FRYL: variants seen among roughly 807,000 people sequenced by gnomAD.
FRYL encodes the protein FRY like transcription coactivator.
FRYL carries 150 observed loss-of-function variants against 351.2 expected under a neutral mutation model. The observed-to-expected ratio is 0.43, with a 90% CI of 0.37 to 0.49. The LOEUF (loss-of-function observed/expected upper bound fraction) is 0.49, where lower values mean the gene tolerates loss of function less well. Among genes scored for constraint, FRYL ranks in the 20% least tolerant of loss-of-function variants. The pLI is 0.00. For synonymous variants in FRYL, 1,153 were observed against 1,257.1 expected, an observed-to-expected ratio of 0.92 and a Z score of 1.75; for missense variants, 3,036 against 3,619.3, an observed-to-expected ratio of 0.84 and a Z score of 4.13.
intron 4 of FRYL, among the ~76,000 whole-genome samples, chr4:48,632,392 A>G (rs1198948312): frequency 6.7e-6 from 1 of 150,210 alleles, no homozygotes; most frequent in Non-Finnish European, 1.5e-5. Context: ...CTGTTTAAGT[A>G]GACTAGTGTA....
rs368476667 is a variant in FRYL, at chr4:48,563,949, T to C, written c.3595A>G (p.Arg1199Gly). 99 of 1,610,014 alleles carry C rather than the reference T, an allele frequency of 6.1e-5. No individual in the cohort carries two copies. The highest frequency in any genetic ancestry group is 7.9e-5 in the Non-Finnish European group (93 of 1,179,056). The change falls in exon 31 of 64, where the codon AGG (arginine) becomes GGG (glycine). Residue 1199 changes from arginine (R) to glycine (G), a missense_variant and splice_region_variant. This residue lies in a region of FRYL where 1,987 missense variants were observed against 2,311.7 expected (regional missense o/e 0.86). Transcript: ENST00000358350. ...FKAIANVFQNRDYQCDTVMLL... is the reference protein window; with the variant it reads ...FKAIANVFQNGDYQCDTVMLL... ...ACAAAAAACCTGTATCTAAAGTACC[T>C]GTTCTGGAAAACATTAGCAATGGCT...
intron 2 of FRYL, among the ~76,000 whole-genome samples, chr4:48,703,719 G>A (rs986308490): frequency 1.3e-5 from 2 of 152,058 alleles, no homozygotes; most frequent in Admixed American, 6.6e-5. Context: ...TTCTCTCTTA[G>A]AATTCTTAAC....
intron 2 of FRYL, among the ~76,000 whole-genome samples, chr4:48,690,989 TTC>T (rs1578736180): frequency 6.6e-6 from 1 of 152,334 alleles, no homozygotes; most frequent in East Asian, 1.9e-4. Flanking sequence ...TTTCCTCTTT[TTC>T]TCTGTGTTCA....
At chr4:48,558,297 A>G (rs1183821984) in intron 33 of FRYL, among the ~76,000 whole-genome samples, 1 of 152,254 alleles carries the variant, frequency 6.6e-6, no homozygotes, top group Non-Finnish European at 1.5e-5. Flanking sequence ...GCTTGATGAC[A>G]TTATGTTACC....
At chr4:48,612,487 TGTGTGTGCAC>T (rs1418481686) in intron 7 of FRYL, among the ~76,000 whole-genome samples, 1 of 104,616 alleles carries the variant, frequency 9.6e-6, no homozygotes, top group African/African-American at 3.5e-5. Context: ...ATACTAAGAC[TGTGTGTGCAC>T]GTGTGTGTGT....
chr4:48,764,727 A>G (rs376881027), intron 1 of FRYL, among the ~76,000 whole-genome samples: 3 of 152,188 alleles, frequency 2.0e-5, no homozygotes, highest in African/African-American at 7.2e-5. Flanking sequence ...AAAATATCCC[A>G]TGTTCACGAA....
At position 48,602,132 on chromosome 4, in the gene FRYL, CGGG is replaced by C; in HGVS notation, c.934-14_934-12del. On this transcript the variant is annotated splice_polypyrimidine_tract_variant and intron_variant, in intron 12 of 63. Transcript: ENST00000358350. Reference sequence around the variant, plus strand: ...TAGTGGATATAAAGCCTATAGGAGACGGGGAAAAGACAGAATTAACATTTTTCA... The same window carrying C: ...TAGTGGATATAAAGCCTATAGGAGACGAAAAGACAGAATTAACATTTTTCA... 2 of 1,338,414 alleles carry C rather than the reference CGGG, an allele frequency of 1.5e-6. No homozygotes were observed. Among genetic ancestry groups the C allele is most frequent in the South Asian group, 2.4e-5 (2 of 83,098 alleles). The allele number at this position is 1,338,414 out of a possible 1,614,324, so 82.9% of individuals were successfully genotyped here. A position where few individuals can be genotyped will look rare whatever the true frequency, so the allele number is the denominator to read the frequency against.
chr4:48,761,869 CAA>C (rs1774454147), intron 1 of FRYL, among the ~76,000 whole-genome samples: 1 of 152,162 alleles, frequency 6.6e-6, no homozygotes, highest in African/African-American at 2.4e-5. Flanking sequence ...CGCACAATGA[CAA>C]AAGTCACTAA....
intron 7 of FRYL, 28 bp downstream of exon 7, chr4:48,619,246 C>T (rs751643198): frequency 1.2e-5 from 17 of 1,387,066 alleles, no homozygotes; most frequent in Non-Finnish European, 1.7e-5. Flanking sequence ...ATAAGGAATA[C>T]AGACTTTGCA....
chr4:48,502,866 G>A (rs1355737064), intron 60 of FRYL, 21 bp from the exon 61 acceptor site: 2 of 1,602,668 alleles, frequency 1.2e-6, no homozygotes, highest in African/African-American at 2.7e-5. Context: ...AGGTGATCAG[G>A]TCACAAAAAA....
At chr4:48,591,923 T>C (rs943769139) in intron 16 of FRYL, among the ~76,000 whole-genome samples, 1 of 151,714 alleles carries the variant, frequency 6.6e-6, no homozygotes, top group Non-Finnish European at 1.5e-5. Flanking sequence ...TCCTTCTTAA[T>C]GTTTTTTTCT....
At chr4:48,525,129 T>G (rs1341708606) in intron 53 of FRYL, among the ~76,000 whole-genome samples, 1 of 149,866 alleles carries the variant, frequency 6.7e-6, no homozygotes, top group Non-Finnish European at 1.5e-5. Flanking sequence ...GCATAGAGTT[T>G]GGATGCATAT....
intron 13 of FRYL, among the ~76,000 whole-genome samples, chr4:48,600,634 A>C (rs1300946953): frequency 6.6e-6 from 1 of 152,206 alleles, no homozygotes; most frequent in Non-Finnish European, 1.5e-5. Flanking sequence ...AACAAGCAAC[A>C]GAAAAGTATG....
intron 1 of FRYL, among the ~76,000 whole-genome samples, chr4:48,711,421 A>G (rs796329869): frequency 1.6e-5 from 2 of 127,342 alleles, no homozygotes; most frequent in Non-Finnish European, 3.5e-5. Context: ...TATCCTGCAC[A>G]TGGCTCAGAG....
intron 7 of FRYL, among the ~76,000 whole-genome samples, chr4:48,616,731 AT>A (rs1749540066): frequency 3.3e-5 from 5 of 152,216 alleles, no homozygotes; most frequent in Admixed American, 3.3e-4. Flanking sequence ...TATAAGGAAT[AT>A]TTTACTCGTC....
At chr4:48,600,448 C>T (rs2149246309) in intron 13 of FRYL, among the ~76,000 whole-genome samples, 1 of 152,214 alleles carries the variant, frequency 6.6e-6, no homozygotes, top group African/African-American at 2.4e-5. Flanking sequence ...TCTCCTTTAG[C>T]CTGGCAGATT....
At chr4:48,665,564 G>A (rs764192831) in intron 3 of FRYL, among the ~76,000 whole-genome samples, 37 of 152,094 alleles carry the variant, frequency 2.4e-4, no homozygotes, top group Non-Finnish European at 4.3e-4. Context: ...TCTTGAAGCT[G>A]GAATTATTAA....
Position 48,528,342 on chromosome 4 carries a change from C to A in FRYL, c.6904-6G>T. On this transcript the variant is annotated splice_polypyrimidine_tract_variant and splice_region_variant and intron_variant, in intron 50 of 63. Coordinates refer to ENST00000358350, the MANE Select transcript of FRYL (RefSeq NM_015030.2). ...TTGTTTCCAATAATTGGTGTCTACA[C>A]AGAAACAAAATGTCAGTGTTTGGCT... The A allele has an allele frequency of 6.3e-7, 1 of 1,592,758 alleles. No homozygotes were observed. The highest frequency in any genetic ancestry group is 8.6e-7 in the Non-Finnish European group (1 of 1,168,834).
At chr4:48,523,313 C>A (rs904544420) in intron 53 of FRYL, among the ~76,000 whole-genome samples, 14 of 152,110 alleles carry the variant, frequency 9.2e-5, no homozygotes, top group African/African-American at 3.4e-4. Flanking sequence ...GGTTGACAAC[C>A]TGTTTTAACG....
Sources: gnomAD v4.1 joint callset for allele counts (sites outside exome capture counted in the v4.1 genomes callset) on GRCh38, gnomAD v4.1.1 for gene constraint, gnomAD v4.1.1 regional missense constraint, MANE v1.5 for transcripts, NCBI Gene and HGNC (gene_info 2026-07-23, HGNC 2026-07-21) for gene names.